Variants in WDR45B observed in about 807,000 individuals in gnomAD.
The protein encoded by WDR45B is WD repeat domain 45B, also known as WD repeat domain phosphoinositide-interacting protein 3.
Under a neutral mutation model 44.6 loss-of-function variants are expected in WDR45B, and 20 were observed. That is an observed-to-expected ratio of 0.45 (90% CI 0.32 to 0.65). The LOEUF is 0.65. Among genes scored for constraint, WDR45B ranks in the 30% least tolerant of loss-of-function variants. The pLI is 0.05. For missense variants in WDR45B, 323 were observed against 430.2 expected, an observed-to-expected ratio of 0.75 and a Z score of 2.20; for synonymous variants, 169 against 164.9, an observed-to-expected ratio of 1.02 and a Z score of -0.19.
At chr17:82,626,817 C>A (rs374629407) in intron 4 of WDR45B, 3 of 272,934 alleles carry the variant, frequency 1.1e-5, no homozygotes, top group Non-Finnish European at 2.1e-5. Context: ...ACCTTCAAAC[C>A]GAAAACCTTT....
chr17:82,626,378 A>T (rs2045697422), intron 4 of WDR45B, among the ~76,000 whole-genome samples: 1 of 151,056 alleles, frequency 6.6e-6, no homozygotes, highest in African/African-American at 2.4e-5. Context: ...TCTACTAAAG[A>T]TACAAAATCA....
At chr17:82,624,317 A>C (rs1375302961) in intron 5 of WDR45B, among the ~76,000 whole-genome samples, 1 of 151,878 alleles carries the variant, frequency 6.6e-6, no homozygotes, top group Non-Finnish European at 1.5e-5. Flanking sequence ...GCGGGAGTGC[A>C]GTGGCACAAT....
intron 2 of WDR45B, among the ~76,000 whole-genome samples, chr17:82,637,862 G>T (rs1396571631): frequency 6.6e-6 from 1 of 151,662 alleles, no homozygotes; most frequent in Admixed American, 6.6e-5. Flanking sequence ...CCTTCTCTGG[G>T]GAGGGTCCTG....
At chr17:82,639,569 T>C (rs371421567) in intron 2 of WDR45B, among the ~76,000 whole-genome samples, 1 of 152,024 alleles carries the variant, frequency 6.6e-6, no homozygotes, top group Non-Finnish European at 1.5e-5. Context: ...CTCCCATTTC[T>C]CTAGCACCTT....
intron 2 of WDR45B, among the ~76,000 whole-genome samples, chr17:82,632,507 C>T (rs1483633194): frequency 1.3e-5 from 2 of 152,138 alleles, no homozygotes; most frequent in Admixed American, 6.6e-5. Context: ...AGGAAAATGT[C>T]CACAAATTTT....
chr17:82,619,202 T>A, intron 6 of WDR45B, 74 bp from the exon 7 acceptor site: 1 of 1,395,086 alleles, frequency 7.2e-7, no homozygotes, highest in Non-Finnish European at 1.0e-6. Context: ...TGACTCACAT[T>A]CACAAATCCA....
chr17:82,630,931 A>C lies in WDR45B; in HGVS notation c.234T>G (p.Pro78=). 1 of 1,612,348 alleles carries C rather than the reference A, an allele frequency of 6.2e-7. No homozygotes were observed. The highest frequency in any genetic ancestry group is 8.5e-7 in the Non-Finnish European group (1 of 1,179,920). ...LVGGGKKPKY[P]PNKVMIWDDL... is the part of the protein sequence containing the mutation. The stretch of plus-strand genomic sequence containing the variant: ...ACACAATTACAGTACCTTTGTTGGG[A>C]GGGTATTTCGGCTTTTTTCCACCAC... The change falls in exon 3 of 10, where the codon CCT becomes CCG. Residue 78 remains proline (P), a synonymous_variant. Coordinates refer to ENST00000392325, the MANE Select transcript of WDR45B (RefSeq NM_019613.4).
rs36183298 is a variant in WDR45B at position 82,634,150 on chromosome 17, C to CAAAAAAAAAAAAAAA, written c.143-3143_143-3129dup. On this transcript the variant is annotated intron_variant, in intron 2 of 9. Coordinates refer to ENST00000392325, the MANE Select transcript of WDR45B (RefSeq NM_019613.4). ...TGGGTGACACAGTGAGACTCCATCTCAAAAAAAAAAAAAAAAAAAAAAAAG... is the reference window on the plus strand; with the variant it reads ...TGGGTGACACAGTGAGACTCCATCTCAAAAAAAAAAAAAAAAAAAAAAAAAAAAAAAAAAAAAAAG... Among the ~76,000 whole-genome samples, 17 of 31,906 alleles carry CAAAAAAAAAAAAAAA rather than the reference C, an allele frequency of 5.3e-4. 1 individual carries two copies. The highest frequency in any genetic ancestry group is 1.0e-3 in the Admixed American group (2 of 1,924). The allele number at this position is 31,906 out of a possible 152,430, so 20.9% of individuals were successfully genotyped here.
chr17:82,645,604 T>G (rs906379113), intron 1 of WDR45B, among the ~76,000 whole-genome samples: 3 of 152,128 alleles, frequency 2.0e-5, no homozygotes, highest in Admixed American at 6.5e-5. Flanking sequence ...GGAAAACTAT[T>G]TGTACTATCT....
chr17:82,617,460 C>G, intron 7 of WDR45B, 63 bp from the exon 8 acceptor site: 1 of 1,525,054 alleles, frequency 6.6e-7, no homozygotes, highest in Non-Finnish European at 9.1e-7. Context: ...GAGACTTAAC[C>G]CACAGCACTT....
intron 6 of WDR45B, among the ~76,000 whole-genome samples, chr17:82,621,087 T>C (rs1321143895): frequency 6.7e-6 from 1 of 148,294 alleles, no homozygotes; most frequent in African/African-American, 2.5e-5. Flanking sequence ...GGAGTCTCAC[T>C]CTGTCACCCG....
intron 2 of WDR45B, among the ~76,000 whole-genome samples, chr17:82,641,179 C>G (rs2143371475): frequency 6.6e-6 from 1 of 152,170 alleles, no homozygotes; most frequent in South Asian, 2.1e-4. Flanking sequence ...GTTGCCCAGG[C>G]TGGTCTCGAA....
chr17:82,625,352 C>T (rs772388608), intron 5 of WDR45B, 37 bp downstream of exon 5: 23 of 1,594,754 alleles, frequency 1.4e-5, no homozygotes, highest in Non-Finnish European at 1.5e-5. Flanking sequence ...CCATGTGGAC[C>T]CATTTCCCAT....
chr17:82,630,095 C>G, intron 3 of WDR45B: 2 of 625,348 alleles, frequency 3.2e-6, no homozygotes, highest in Non-Finnish European at 4.0e-6. Flanking sequence ...TGGGCTCAGA[C>G]GAGGATGCTT....
chr17:82,624,923 T>C (rs1023030869), intron 5 of WDR45B, among the ~76,000 whole-genome samples: 1 of 152,164 alleles, frequency 6.6e-6, no homozygotes, highest in Non-Finnish European at 1.5e-5. Flanking sequence ...CGGCCACAAA[T>C]GGTATTCTTA....
At chr17:82,646,707 A>G (rs1299084476) in intron 1 of WDR45B, among the ~76,000 whole-genome samples, 1 of 152,104 alleles carries the variant, frequency 6.6e-6, no homozygotes, top group African/African-American at 2.4e-5. Context: ...CACTTATGAT[A>G]TATCCACCCT....
intron 1 of WDR45B, chr17:82,644,779 A>C (rs1598281786): frequency 6.5e-6 from 1 of 152,710 alleles, no homozygotes; most frequent in Non-Finnish European, 1.5e-5. Context: ...CAAACCCCTC[A>C]ATTATTTTTC....
At chr17:82,636,260 CAA>C (rs71168123) in intron 2 of WDR45B, among the ~76,000 whole-genome samples, 5,737 of 104,568 alleles carry the variant, frequency 0.055, 127 homozygotes, top group Middle Eastern at 0.075. Flanking sequence ...GACTCCGTCT[CAA>C]AAAAAAAAAA....
intron 8 of WDR45B, 108 bp from the exon 9 acceptor site, chr17:82,616,753 T>C: frequency 7.0e-7 from 1 of 1,418,826 alleles, no homozygotes; most frequent in Non-Finnish European, 9.8e-7. Context: ...CTTCATATGG[T>C]TTGAGCTTTA....
Sources: gnomAD v4.1 joint callset for allele counts (sites outside exome capture counted in the v4.1 genomes callset) on GRCh38, gnomAD v4.1.1 for gene constraint, MANE v1.5 for transcripts, NCBI Gene and HGNC (gene_info 2026-07-23, HGNC 2026-07-21) for gene names.